The following SEM1 variants were observed in gnomAD, a reference collection of about 807,000 sequenced individuals.
The protein encoded by SEM1 is SEM1 26S proteasome subunit, also known as 26S proteasome complex subunit SEM1.
A neutral mutation model predicts 12.7 loss-of-function variants in SEM1; 3 were observed. The ratio of observed to expected loss-of-function variants is 0.24; its 90% CI spans 0.11 to 0.61. SEM1 has a LOEUF of 0.61. SEM1 is among the 20% of genes least tolerant of loss of function. The probability of loss-of-function intolerance (pLI) is 0.88; values close to 1 mark genes in which losing one functional copy is unlikely to be tolerated. For synonymous variants in SEM1, 30 were observed against 27.8 expected (o/e 1.08, Z -0.25); for missense variants, 59 against 81.3 (o/e 0.73, Z 1.06).
intron 2 of SEM1, among the ~76,000 whole-genome samples, chr7:96,642,719 ATTACTT>A (rs1291581673): frequency 1.3e-5 from 2 of 150,416 alleles, no homozygotes; most frequent in Non-Finnish European, 3.0e-5. Context: ...TTTTCTCCTT[ATTACTT>A]TTAACTGTTT....
At chr7:96,545,304 AG>A (rs1187697730) in intron 2 of SEM1, among the ~76,000 whole-genome samples, 3 of 152,040 alleles carry the variant, frequency 2.0e-5, no homozygotes, top group Non-Finnish European at 4.4e-5. Flanking sequence ...TTTTATTTAA[AG>A]AGGAGTAATG....
Position 96,673,830 on chromosome 7 carries a change from CA to C in SEM1, c.199del (p.Cys67ValfsTer53). On this transcript the variant is annotated frameshift_variant, in exon 3 of 3. Transcript: ENST00000413065. LOFTEE classifies it low-confidence loss of function (END_TRUNC). ...AACATAGCAGCCATACGGGGTTTCACAGACCAATATCATCAGGAGTACAGTT... is the reference window on the plus strand; with the variant it reads ...AACATAGCAGCCATACGGGGTTTCACGACCAATATCATCAGGAGTACAGTT... 1.3e-6 allele frequency: 1 copy of C among 765,208 alleles called. No homozygotes were observed. The highest frequency in any genetic ancestry group is 2.4e-6 in the Non-Finnish European group (1 of 417,846). 47.4% of individuals were successfully genotyped at this position (765,208 alleles called of 1,614,324 possible). A position where few individuals can be genotyped will look rare whatever the true frequency, so the allele number is the denominator to read the frequency against.
intron 2 of SEM1, among the ~76,000 whole-genome samples, chr7:96,680,711 T>C (rs1789585140): frequency 6.6e-6 from 1 of 152,230 alleles, no homozygotes; most frequent in African/African-American, 2.4e-5. Context: ...AATAACATTA[T>C]AGCGATTCTA....
At chr7:96,509,791 C>T (rs556220736) in intron 2 of SEM1, among the ~76,000 whole-genome samples, 24 of 152,038 alleles carry the variant, frequency 1.6e-4, no homozygotes, top group Middle Eastern at 3.4e-3. Context: ...ATAAGTCATA[C>T]GCAAAAGGAC....
chr7:96,562,041 T>G (rs546456630), intron 2 of SEM1, among the ~76,000 whole-genome samples: 2 of 152,328 alleles, frequency 1.3e-5, no homozygotes, highest in African/African-American at 4.8e-5. Context: ...ACATTCTAGG[T>G]CTGGTAATGA....
chr7:96,493,731 CA>C (rs1803123427), intron 1 of SEM1, among the ~76,000 whole-genome samples: 1 of 152,144 alleles, frequency 6.6e-6, no homozygotes, highest in Non-Finnish European at 1.5e-5. Flanking sequence ...CTCATCTGTG[CA>C]ACACTATTTA....
At chr7:96,680,358 T>A (rs139078557) in intron 2 of SEM1, among the ~76,000 whole-genome samples, 228 of 152,112 alleles carry the variant, frequency 1.5e-3, no homozygotes, top group African/African-American at 5.3e-3. Context: ...ATGAATACAA[T>A]GGGAGTTCTA....
At chr7:96,539,086 T>C (rs1348329589) in intron 2 of SEM1, among the ~76,000 whole-genome samples, 1 of 151,832 alleles carries the variant, frequency 6.6e-6, no homozygotes. Context: ...AAGGTTCCAA[T>C]CTGTCAAGAT....
At chr7:96,613,848 T>C (rs1807620373) in intron 2 of SEM1, among the ~76,000 whole-genome samples, 1 of 152,242 alleles carries the variant, frequency 6.6e-6, no homozygotes, top group Admixed American at 6.5e-5. Context: ...TCCTCTAGGT[T>C]TATCCATGTT....
intron 2 of SEM1, among the ~76,000 whole-genome samples, chr7:96,529,247 T>C (rs571704047): frequency 3.9e-4 from 59 of 152,240 alleles, no homozygotes; most frequent in African/African-American, 1.3e-3. Flanking sequence ...GGATAAAAGA[T>C]TGTATAACCT....
downstream of SEM1, among the ~76,000 whole-genome samples, chr7:96,686,461 A>G (rs2115776262): frequency 6.6e-6 from 1 of 152,316 alleles, no homozygotes; most frequent in East Asian, 1.9e-4. Flanking sequence ...CATTCAGGCC[A>G]TCACTTAATA....
At chr7:96,668,520 G>T (rs568872225), downstream of SEM1, among the ~76,000 whole-genome samples, 1 of 152,162 alleles carries the variant, frequency 6.6e-6, no homozygotes, top group Admixed American at 6.5e-5. Flanking sequence ...ATTCTAAAAA[G>T]GACTCAATGA....
intron 1 of SEM1, among the ~76,000 whole-genome samples, chr7:96,493,371 G>A (rs756009170): frequency 3.9e-5 from 6 of 151,918 alleles, no homozygotes; most frequent in Non-Finnish European, 7.4e-5. Flanking sequence ...CTCATTTCTC[G>A]GTGATACCAG....
chr7:96,630,826 C>G (rs1808231936), intron 2 of SEM1, among the ~76,000 whole-genome samples: 1 of 151,062 alleles, frequency 6.6e-6, no homozygotes, highest in South Asian at 2.1e-4. Flanking sequence ...ATTCAGGACC[C>G]AAGGACTCTT....
At chr7:96,506,884 A>G (rs868603559) in intron 2 of SEM1, among the ~76,000 whole-genome samples, 1 of 152,128 alleles carries the variant, frequency 6.6e-6, no homozygotes, top group African/African-American at 2.4e-5. Context: ...ACAGTATTGT[A>G]TATTAGTTCA....
intron 2 of SEM1, among the ~76,000 whole-genome samples, chr7:96,536,382 G>A (rs73224503): frequency 0.085 from 12,928 of 151,770 alleles, 645 homozygotes; most frequent in Middle Eastern, 0.14. Context: ...AGAAGAATGT[G>A]TATTCTGCTG....
chr7:96,638,315 G>C (rs1164615686), intron 2 of SEM1, among the ~76,000 whole-genome samples: 1 of 151,860 alleles, frequency 6.6e-6, no homozygotes, highest in African/African-American at 2.4e-5. Flanking sequence ...ACCTTCTAGG[G>C]CACAAAATAA....
chr7:96,614,483 A>G (rs1388949909), intron 2 of SEM1, among the ~76,000 whole-genome samples: 2 of 152,246 alleles, frequency 1.3e-5, no homozygotes, highest in Non-Finnish European at 2.9e-5. Context: ...GCACTCAGGC[A>G]GCAAGAAGCT....
At chr7:96,553,878 T>C (rs1257044031) in intron 2 of SEM1, among the ~76,000 whole-genome samples, 1 of 152,204 alleles carries the variant, frequency 6.6e-6, no homozygotes, top group Admixed American at 6.5e-5. Context: ...CATTAAGCAG[T>C]GGTTTGTAGT....
Sources: allele counts gnomAD v4.1 joint callset (sites outside exome capture counted in the v4.1 genomes callset), GRCh38; gene constraint gnomAD v4.1.1; transcripts MANE v1.5; gene names NCBI Gene and HGNC (gene_info 2026-07-23, HGNC 2026-07-21).